The following DST variants were observed in gnomAD, a reference collection of about 807,000 sequenced individuals.
DST encodes dystonin.
Under a neutral mutation model 875.2 loss-of-function variants are expected in DST, and 253 were observed. The observed-to-expected ratio is 0.29, with a 90% CI of 0.26 to 0.32. The LOEUF (loss-of-function observed/expected upper bound fraction) is 0.32. DST is among the 10% of genes least tolerant of loss of function. DST has a pLI of 1.00. For synonymous variants in DST, 3,124 were observed against 3,197.1 expected (o/e 0.98, Z 0.77); for missense variants, 8,287 against 9,111.6 (o/e 0.91, Z 3.68).
intron 4 of DST, chr6:56,843,091 G>A: frequency 1.3e-6 from 2 of 1,570,076 alleles, no homozygotes; most frequent in Non-Finnish European, 1.7e-6. Flanking sequence ...TAGGCCTGGA[G>A]ATACTCCTGC....
intron 10 of DST, among the ~76,000 whole-genome samples, chr6:56,666,178 G>A (rs2099071192): frequency 6.7e-6 from 1 of 149,016 alleles, no homozygotes; most frequent in Non-Finnish European, 1.5e-5. Flanking sequence ...ACTCTTTATG[G>A]GGCTAACAAA....
At chr6:56,695,417 A>C (rs965886253) in intron 9 of DST, among the ~76,000 whole-genome samples, 3 of 152,136 alleles carry the variant, frequency 2.0e-5, no homozygotes, top group Non-Finnish European at 4.4e-5. Flanking sequence ...ACACCTGCCA[A>C]ACTAAGCAGC....
At chr6:56,917,000 A>AC (rs1801530635) in intron 2 of DST, among the ~76,000 whole-genome samples, 3 of 124,962 alleles carry the variant, frequency 2.4e-5, no homozygotes, top group Admixed American at 7.7e-5. Context: ...AAAAAAAAAA[A>AC]AAAAAAAAAA....
intron 3 of DST, among the ~76,000 whole-genome samples, chr6:56,892,672 T>A (rs1562310180): frequency 6.6e-6 from 1 of 152,172 alleles, no homozygotes; most frequent in Non-Finnish European, 1.5e-5. Flanking sequence ...TTCCATAAAG[T>A]AATTATGCCT....
intron 3 of DST, among the ~76,000 whole-genome samples, chr6:56,879,470 C>T (rs533107676): frequency 5.4e-5 from 7 of 129,434 alleles, no homozygotes; most frequent in East Asian, 4.2e-4. Context: ...GACTTCGTCT[C>T]GGAAAAAAAA....
At chr6:56,585,795 T>A (rs1207449018) in intron 49 of DST, among the ~76,000 whole-genome samples, 20 of 152,054 alleles carry the variant, frequency 1.3e-4, no homozygotes, top group Non-Finnish European at 2.6e-4. Context: ...GTATGTTGTG[T>A]CTTTGTTCTC....
chr6:56,617,305 A>G, intron 36 of DST: 1 of 1,613,790 alleles, frequency 6.2e-7, no homozygotes, highest in South Asian at 1.1e-5. Flanking sequence ...TCTTGAGTCC[A>G]CCAGATGCTC....
chr6:56,934,342 C>T (rs889996672), intron 2 of DST, among the ~76,000 whole-genome samples: 20 of 151,526 alleles, frequency 1.3e-4, no homozygotes, highest in African/African-American at 4.8e-4. Context: ...ACTTGACCCT[C>T]AAAAAATGGC....
intron 3 of DST, among the ~76,000 whole-genome samples, chr6:56,860,203 C>T (rs967434673): frequency 6.6e-6 from 1 of 152,106 alleles, no homozygotes; most frequent in Non-Finnish European, 1.5e-5. Flanking sequence ...ATACCTGGCC[C>T]CTGGTGACAT....
At chr6:56,508,440 CAG>C in intron 75 of DST, 87 bp downstream of exon 75, 1 of 1,024,684 alleles carries the variant, frequency 9.8e-7, no homozygotes, top group South Asian at 1.4e-5. Context: ...TAAATGTTAA[CAG>C]AGTAACTCCT....
chr6:56,517,230 C>A lies in DST; in HGVS notation c.18325G>T (p.Ala6109Ser). ...LVKSGHKIMT[A>S]CSEEEKQSMK... Reference sequence around the variant, plus strand: ...GATTGCTTTTCCTCTTCACTGCATGCGGTCATGATTTTATGCCCAGATTTA... The same window carrying A: ...GATTGCTTTTCCTCTTCACTGCATGAGGTCATGATTTTATGCCCAGATTTA... The change falls in exon 71 of 104, where the codon GCA becomes TCA. Residue 6109 changes from alanine to serine, a missense_variant. Around this residue, in one of 10 missense-constraint regions of DST, gnomAD observed 1,292 missense variants for 1,552.7 expected, o/e 0.83. Coordinates refer to ENST00000680361, the MANE Select transcript of DST (RefSeq NM_001374736.1). 6.2e-7 allele frequency: 1 copy of A among 1,612,486 alleles called. No individual in the cohort carries two copies. Among genetic ancestry groups the A allele is most frequent in the Non-Finnish European group, 8.5e-7 (1 of 1,178,992 alleles).
At chr6:56,630,179 A>G (rs2098766381) in intron 31 of DST, 66 bp downstream of exon 31, 2 of 1,208,252 alleles carry the variant, frequency 1.7e-6, no homozygotes, top group African/African-American at 1.5e-5. Context: ...ATGTTTGAAG[A>G]TCTAAGTGCT....
intron 4 of DST, among the ~76,000 whole-genome samples, chr6:56,753,149 G>A (rs992907165): frequency 1.3e-5 from 2 of 152,188 alleles, no homozygotes; most frequent in African/African-American, 2.4e-5. Context: ...GTAGGAGGCA[G>A]TGATATGGCG....
intron 4 of DST, among the ~76,000 whole-genome samples, chr6:56,743,438 C>G (rs1426509139): frequency 1.3e-5 from 2 of 152,126 alleles, no homozygotes; most frequent in African/African-American, 4.8e-5. Flanking sequence ...TGTACCAGAT[C>G]CTGCTGAGAA....
At chr6:56,600,269 A>T in intron 44 of DST, 48 bp from the exon 45 acceptor site, 1 of 1,561,690 alleles carries the variant, frequency 6.4e-7, no homozygotes, top group Non-Finnish European at 8.7e-7. Context: ...GTGGTCACAA[A>T]ATCGCTATTG....
chr6:56,727,103 C>T (rs1370548676), intron 5 of DST, among the ~76,000 whole-genome samples: 1 of 152,184 alleles, frequency 6.6e-6, no homozygotes, highest in Admixed American at 6.5e-5. Flanking sequence ...CAAAGTCACC[C>T]TCTGCTCACT....
chr6:56,856,756 C>T (rs545184411), intron 3 of DST, among the ~76,000 whole-genome samples: 9 of 152,172 alleles, frequency 5.9e-5, no homozygotes, highest in African/African-American at 2.2e-4. Context: ...GTTTATTAGA[C>T]AATATTAGGA....
intron 13 of DST, among the ~76,000 whole-genome samples, chr6:56,647,664 A>T (rs1045963571): frequency 2.0e-5 from 3 of 151,604 alleles, no homozygotes; most frequent in Non-Finnish European, 4.4e-5. Context: ...ATAAGTTTAC[A>T]TATTTGTAAT....
rs1448490505 is a variant in DST, at chr6:56,526,687, CT to C, written c.17923-121del. 20 of 838,416 alleles carry C rather than the reference CT, an allele frequency of 2.4e-5. No individual in the cohort carries two copies. In the Middle Eastern group the frequency reaches 1.1e-3, roughly 47 times the overall value. 51.9% of individuals were successfully genotyped at this position (838,416 alleles called of 1,614,324 possible). A position where few individuals can be genotyped will look rare whatever the true frequency, so the allele number is the denominator to read the frequency against. Reference sequence around the variant, plus strand: ...TGTGATGCTTTGCCCCACTCCCCCCCTCCCTTAGTTTCAGTCGAGTTAAATA... The same window carrying C: ...TGTGATGCTTTGCCCCACTCCCCCCCCCCTTAGTTTCAGTCGAGTTAAATA... On this transcript the variant is annotated intron_variant, in intron 68 of 103. Coordinates refer to ENST00000680361, the MANE Select transcript of DST (RefSeq NM_001374736.1).
Sources: allele counts gnomAD v4.1 joint callset (sites outside exome capture counted in the v4.1 genomes callset), GRCh38; gene constraint gnomAD v4.1.1; regional missense constraint gnomAD v4.1.1; transcripts MANE v1.5; gene names NCBI Gene and HGNC (gene_info 2026-07-23, HGNC 2026-07-21).